Variants in DST observed in about 807,000 individuals in gnomAD.
The protein encoded by DST is dystonin, also known as bullous pemphigoid antigen.
DST carries 253 observed loss-of-function variants against 875.2 expected under a neutral mutation model. That is an observed-to-expected ratio of 0.29 (90% confidence interval 0.26 to 0.32). DST has a LOEUF of 0.32. DST is among the 10% of genes least tolerant of loss of function. The probability of loss-of-function intolerance (pLI) is 1.00; values close to 1 mark genes in which losing one functional copy is unlikely to be tolerated. For missense variants in DST, 8,287 were observed against 9,111.6 expected (o/e 0.91, Z 3.68); for synonymous variants, 3,124 against 3,197.1 (o/e 0.98, Z 0.77).
chr6:56,641,111 T>C (rs891737508), intron 17 of DST, among the ~76,000 whole-genome samples: 3 of 143,364 alleles, frequency 2.1e-5, no homozygotes, highest in African/African-American at 8.3e-5. Context: ...TACATATTTA[T>C]GCACAGAGAG....
rs974139402 is a variant in DST, at chr6:56,458,041, AGTAT to A, written c.*960_*963del. ...TAAATGCATACTAATATCTTTCTAT[AGTAT>A]GTGAGTACACATAATAAATTAAAAT... is the stretch of plus-strand genomic sequence containing the variant. On this transcript the variant is annotated 3_prime_UTR_variant, in exon 104 of 104. Coordinates refer to ENST00000680361, the MANE Select transcript of DST (RefSeq NM_001374736.1). 28 of 152,638 alleles carry A rather than the reference AGTAT, an allele frequency of 1.8e-4. No individual in the cohort carries two copies. The highest frequency in any genetic ancestry group is 6.5e-4 in the African/African-American group (27 of 41,570). The allele number at this position is 152,638 out of a possible 1,614,324, so 9.5% of individuals were successfully genotyped here.
In DST at chr6:56,558,165, G is replaced by C. The variant is rs186832710; in HGVS notation, c.14441-647C>G. Among the ~76,000 whole-genome samples, 11 of 152,004 alleles carry C rather than the reference G, an allele frequency of 7.2e-5. No individual in the cohort carries two copies. In the East Asian group the frequency reaches 2.1e-3, roughly 29 times the overall value. On this transcript the variant is annotated intron_variant, in intron 58 of 103. Coordinates refer to ENST00000680361, the MANE Select transcript of DST (RefSeq NM_001374736.1). ...AGCTTCCTAACTCTATTATACCCTC[G>C]ATCATAAAACCTTAAAGCCCTCCTT... is the stretch of plus-strand genomic sequence containing the variant.
rs146951715 is a variant in DST at position 56,878,841 on chromosome 6, A to G, written c.417+21580T>C. On this transcript the variant is annotated intron_variant, in intron 3 of 103. Coordinates refer to ENST00000680361, the MANE Select transcript of DST (RefSeq NM_001374736.1). ...CTGTCAAGCTGAGAGAAGGCAAAAA[A>G]TATTAACGTTGAATATGAAGTTGTA... Among the ~76,000 whole-genome samples, 703 of 152,280 alleles carry G rather than the reference A, an allele frequency of 4.6e-3. 5 individuals are homozygous for G. The highest frequency in any genetic ancestry group is 0.016 in the African/African-American group (682 of 41,538).
At chr6:56,900,145 G>C (rs1464420511) in intron 3 of DST, among the ~76,000 whole-genome samples, 1 of 152,116 alleles carries the variant, frequency 6.6e-6, no homozygotes, top group Non-Finnish European at 1.5e-5. Context: ...CCTCATTCTA[G>C]AACTCCAGCT....
chr6:56,787,642 G>A (rs753881661), intron 4 of DST, among the ~76,000 whole-genome samples: 1 of 152,040 alleles, frequency 6.6e-6, no homozygotes, highest in Non-Finnish European at 1.5e-5. Context: ...GAGAAACACA[G>A]TAATTAACCA....
intron 2 of DST, among the ~76,000 whole-genome samples, chr6:56,902,890 C>T (rs1794767326): frequency 1.3e-5 from 2 of 152,110 alleles, no homozygotes; most frequent in Non-Finnish European, 2.9e-5. Flanking sequence ...GCTTCCTGGA[C>T]ATTCCCCATC....
chr6:56,885,065 AT>A (rs1325895928), intron 3 of DST, among the ~76,000 whole-genome samples: 1 of 152,168 alleles, frequency 6.6e-6, no homozygotes, highest in African/African-American at 2.4e-5. Flanking sequence ...TCAGCCATTT[AT>A]CCAACAAGTT....
intron 2 of DST, among the ~76,000 whole-genome samples, chr6:56,902,757 CAG>C (rs1794721146): frequency 6.6e-6 from 1 of 152,210 alleles, no homozygotes; most frequent in Non-Finnish European, 1.5e-5. Flanking sequence ...GGAGGTACTA[CAG>C]CAGCTGCTGG....
At chr6:56,549,093 G>A (rs188939219) in intron 61 of DST, among the ~76,000 whole-genome samples, 4 of 152,252 alleles carry the variant, frequency 2.6e-5, no homozygotes, top group African/African-American at 4.8e-5. Context: ...AAACAGAATC[G>A]GGGAAGTCTA....
intron 18 of DST, 36 bp from the exon 19 acceptor site, chr6:56,640,093 T>C (rs761856271): frequency 1.3e-5 from 21 of 1,613,632 alleles, no homozygotes; most frequent in East Asian, 4.5e-5. Flanking sequence ...AAAAAAGAAA[T>C]TGATAACAAT....
chr6:56,498,320 A>G (rs1440540082), intron 80 of DST, among the ~76,000 whole-genome samples: 8 of 152,072 alleles, frequency 5.3e-5, no homozygotes, highest in African/African-American at 1.9e-4. Context: ...CTACAGGCAC[A>G]CACTGCCATG....
chr6:56,487,978 C>T (rs1280590498), intron 86 of DST, among the ~76,000 whole-genome samples: 1 of 152,080 alleles, frequency 6.6e-6, no homozygotes, highest in Non-Finnish European at 1.5e-5. Context: ...GTTATAATTA[C>T]CTAAGAAGTT....
chr6:56,693,470 A>T (rs1479807842), intron 9 of DST: 2 of 890,248 alleles, frequency 2.2e-6, no homozygotes, highest in African/African-American at 3.6e-5. Context: ...GCTTCACTGT[A>T]TGAGAAGATT....
At chr6:56,663,407 G>T (rs1185832108) in intron 10 of DST, among the ~76,000 whole-genome samples, 1 of 152,238 alleles carries the variant, frequency 6.6e-6, no homozygotes, top group African/African-American at 2.4e-5. Flanking sequence ...GGCTCTGTGT[G>T]TGTCTGGCTT....
At chr6:56,845,389 T>C (rs1240316800) in intron 4 of DST, among the ~76,000 whole-genome samples, 1 of 152,130 alleles carries the variant, frequency 6.6e-6, no homozygotes, top group Non-Finnish European at 1.5e-5. Flanking sequence ...AAAAAAAAAC[T>C]GACTTGAGAT....
intron 92 of DST, among the ~76,000 whole-genome samples, chr6:56,475,821 G>C (rs1371505735): frequency 2.0e-5 from 3 of 152,202 alleles, no homozygotes; most frequent in Non-Finnish European, 4.4e-5. Context: ...AACAGAGTGA[G>C]AGAAATAGAG....
Position 56,615,535 on chromosome 6 carries a change from G to A in DST, c.4930-1051C>T, listed in dbSNP as rs1187500129. 6.2e-7 allele frequency: 1 copy of A among 1,613,896 alleles called. No individual in the cohort carries two copies. The highest frequency in any genetic ancestry group is 1.7e-5 in the Admixed American group (1 of 59,978). ...TGTCCCATTAGGAAGAATAGTAGAGGCTAGAAATTCCTGTCATCAGGGGCT... is the reference window on the plus strand; with the variant it reads ...TGTCCCATTAGGAAGAATAGTAGAGACTAGAAATTCCTGTCATCAGGGGCT... On this transcript the variant is annotated intron_variant, in intron 36 of 103. Transcript: ENST00000680361.
At chr6:56,541,779 T>A (rs2097130376) in intron 61 of DST, among the ~76,000 whole-genome samples, 1 of 152,228 alleles carries the variant, frequency 6.6e-6, no homozygotes, top group Non-Finnish European at 1.5e-5. Flanking sequence ...TTTTACCTGG[T>A]TGATTTTAGG....
intron 4 of DST, chr6:56,742,420 T>A (rs3002002): frequency 8.3e-7 from 1 of 1,209,440 alleles, no homozygotes; most frequent in Non-Finnish European, 1.1e-6. Context: ...TAACTTTCTA[T>A]GTAGAAAAGA....
Sources: gnomAD v4.1 joint callset for allele counts (sites outside exome capture counted in the v4.1 genomes callset) on GRCh38, gnomAD v4.1.1 for gene constraint, MANE v1.5 for transcripts, NCBI Gene and HGNC (gene_info 2026-07-23, HGNC 2026-07-21) for gene names.